MAGI3: variants seen among roughly 807,000 people sequenced by gnomAD.
The protein encoded by MAGI3 is membrane-associated guanylate kinase, WW and PDZ domain-containing protein 3.
MAGI3 carries 43 observed loss-of-function variants against 121.8 expected under a neutral mutation model. That is an observed-to-expected ratio of 0.35 (90% CI 0.28 to 0.46). The LOEUF (loss-of-function observed/expected upper bound fraction) is 0.46, where lower values mean the gene tolerates loss of function less well. MAGI3 is among the 20% of genes least tolerant of loss of function. The pLI is 1.00. For synonymous variants in MAGI3, 553 were observed against 639.3 expected (o/e 0.86, Z 2.04); for missense variants, 1,547 against 1,797.3 (o/e 0.86, Z 2.52).
intron 1 of MAGI3, among the ~76,000 whole-genome samples, chr1:113,413,929 G>A (rs1468307600): frequency 6.6e-6 from 1 of 152,156 alleles, no homozygotes; most frequent in Non-Finnish European, 1.5e-5. Flanking sequence ...AATAGGAGTG[G>A]TGAGAGAGGG....
At chr1:113,472,307 A>T (rs568650871) in intron 1 of MAGI3, among the ~76,000 whole-genome samples, 5 of 149,892 alleles carry the variant, frequency 3.3e-5, no homozygotes, top group Admixed American at 2.7e-4. Context: ...GGTTCACGCC[A>T]TTCTCCCGCC....
At chr1:113,524,287 G>A (rs1042431368) in intron 1 of MAGI3, among the ~76,000 whole-genome samples, 2 of 152,128 alleles carry the variant, frequency 1.3e-5, no homozygotes, top group Non-Finnish European at 2.9e-5. Context: ...CTGGGGTGCT[G>A]CCTCGTGGAG....
chr1:113,563,946 G>A (rs1660337767), intron 2 of MAGI3, among the ~76,000 whole-genome samples: 1 of 152,180 alleles, frequency 6.6e-6, no homozygotes, highest in Non-Finnish European at 1.5e-5. Flanking sequence ...CAGACCTTGG[G>A]AGAGTCCCTC....
intron 1 of MAGI3, among the ~76,000 whole-genome samples, chr1:113,529,870 A>T (rs951064650): frequency 3.3e-5 from 5 of 152,146 alleles, no homozygotes; most frequent in Non-Finnish European, 7.4e-5. Context: ...TAAATATTAC[A>T]GTACAGAAAA....
intron 1 of MAGI3, among the ~76,000 whole-genome samples, chr1:113,441,693 A>G (rs1653921981): frequency 6.6e-6 from 1 of 152,184 alleles, no homozygotes; most frequent in African/African-American, 2.4e-5. Flanking sequence ...ATGCTAGAGT[A>G]ATACACACTC....
At chr1:113,575,953 A>C (rs969050187) in intron 2 of MAGI3, among the ~76,000 whole-genome samples, 1 of 152,126 alleles carries the variant, frequency 6.6e-6, no homozygotes. Flanking sequence ...AGTGAGTTCC[A>C]CACAGTCCGA....
chr1:113,422,791 G>A lies in MAGI3; in HGVS notation c.316+31442G>A, dbSNP rs1018769127. Among the ~76,000 whole-genome samples, 7 of 152,198 alleles carry A rather than the reference G, an allele frequency of 4.6e-5. No homozygotes were observed. Among genetic ancestry groups the A allele is most frequent in the Non-Finnish European group, 1.5e-5 (1 of 68,016 alleles). ...AGGCATGTTTCGGGGGGCATGTTTTGGCCCAATTGTGTTATAGCTCTTTCA... is the reference window on the plus strand; with the variant it reads ...AGGCATGTTTCGGGGGGCATGTTTTAGCCCAATTGTGTTATAGCTCTTTCA... On this transcript the variant is annotated intron_variant, in intron 1 of 20. Transcript: ENST00000307546. The surrounding 1 kb of genome is among the most constrained non-coding windows in gnomAD (Gnocchi z 4.3).
intron 1 of MAGI3, among the ~76,000 whole-genome samples, chr1:113,536,961 GC>G (rs1015039739): frequency 9.9e-5 from 15 of 151,932 alleles, no homozygotes; most frequent in Admixed American, 2.6e-4. Context: ...AGCTATTCTT[GC>G]CCCCCTGTAC....
At chr1:113,524,495 A>G (rs893405722) in intron 1 of MAGI3, among the ~76,000 whole-genome samples, 2 of 152,126 alleles carry the variant, frequency 1.3e-5, no homozygotes, top group Non-Finnish European at 2.9e-5. Flanking sequence ...TGGATGTGAG[A>G]CATGGAGTCT....
At position 113,653,859 on chromosome 1, in the gene MAGI3, G is replaced by A; in HGVS notation, c.2470G>A (p.Ala824Thr). The change falls in exon 15 of 21, where the codon GCC (alanine) becomes ACC (threonine). Residue 824 changes from alanine to threonine, a missense_variant. Physicochemically the swap from Ala to Thr is moderately conservative, Grantham distance 58 (BLOSUM62 0). Coordinates refer to ENST00000307546, the MANE Select transcript of MAGI3 (RefSeq NM_001142782.2). ...ACAACCCGAGGACGACAGCTCTCAG[G>A]CCTTCATTTCAACACAGAATGGATC... ...EKQPEDDSSQ[A>T]FISTQNGSPR... 1 of 1,609,818 alleles carries A rather than the reference G, an allele frequency of 6.2e-7. No individual in the cohort carries two copies. Among genetic ancestry groups the A allele is most frequent in the Non-Finnish European group, 8.5e-7 (1 of 1,178,342 alleles).
At chr1:113,409,620 G>A (rs1428366213) in intron 1 of MAGI3, among the ~76,000 whole-genome samples, 2 of 152,070 alleles carry the variant, frequency 1.3e-5, no homozygotes, top group African/African-American at 2.4e-5. Context: ...ATTGTAAAGT[G>A]AAATTAACAT....
At chr1:113,660,304 C>G (rs1007929350) in intron 16 of MAGI3, among the ~76,000 whole-genome samples, 2 of 152,170 alleles carry the variant, frequency 1.3e-5, no homozygotes, top group Non-Finnish European at 2.9e-5. Flanking sequence ...TCTTCTCAGA[C>G]TCTGCTGATT....
chr1:113,459,128 G>A (rs1255063089), intron 1 of MAGI3, among the ~76,000 whole-genome samples: 1 of 151,904 alleles, frequency 6.6e-6, no homozygotes, highest in South Asian at 2.1e-4. Flanking sequence ...CATTACTTCT[G>A]GTTTTTGCAT....
At chr1:113,437,282 C>T (rs1274491798) in intron 1 of MAGI3, among the ~76,000 whole-genome samples, 1 of 151,918 alleles carries the variant, frequency 6.6e-6, no homozygotes, top group East Asian at 1.9e-4. Flanking sequence ...GAACTAAACT[C>T]ATCTTTATCT....
chr1:113,437,204 A>G (rs1320732002), intron 1 of MAGI3, among the ~76,000 whole-genome samples: 1 of 151,806 alleles, frequency 6.6e-6, no homozygotes, highest in Non-Finnish European at 1.5e-5. Flanking sequence ...ATTTAATATT[A>G]ATATTTTATA....
At chr1:113,524,445 C>T (rs890191562) in intron 1 of MAGI3, among the ~76,000 whole-genome samples, 3 of 152,080 alleles carry the variant, frequency 2.0e-5, no homozygotes, top group African/African-American at 4.8e-5. Flanking sequence ...GACAGAGCTG[C>T]CCAAGACCAT....
intron 2 of MAGI3, among the ~76,000 whole-genome samples, chr1:113,577,437 A>C (rs1252825438): frequency 6.6e-6 from 1 of 152,032 alleles, no homozygotes; most frequent in African/African-American, 2.4e-5. Flanking sequence ...TCTTCGGAGC[A>C]ATTTTTATGT....
At chr1:113,408,752 C>T (rs1651818538) in intron 1 of MAGI3, among the ~76,000 whole-genome samples, 2 of 152,204 alleles carry the variant, frequency 1.3e-5, no homozygotes, top group South Asian at 4.1e-4. Context: ...CTCATATCTT[C>T]CCAAACTCAT....
intron 1 of MAGI3, among the ~76,000 whole-genome samples, chr1:113,447,864 A>T (rs1654261359): frequency 6.6e-6 from 1 of 152,054 alleles, no homozygotes. Context: ...CAAAAAAAAA[A>T]AATTGTGCAA....
Sources: allele counts gnomAD v4.1 joint callset (sites outside exome capture counted in the v4.1 genomes callset), GRCh38; gene constraint gnomAD v4.1.1; non-coding constraint Gnocchi (gnomAD v3.1); transcripts MANE v1.5; gene names NCBI Gene and HGNC (gene_info 2026-07-23, HGNC 2026-07-21).